Variants in DLG2 observed in about 807,000 individuals in gnomAD.
DLG2 encodes disks large homolog 2.
A neutral mutation model predicts 132.5 loss-of-function variants in DLG2; 45 were observed. That is an observed-to-expected ratio of 0.34 (90% CI 0.27 to 0.44). DLG2 has a LOEUF of 0.44. Ranked by LOEUF, DLG2 falls within the 20% of genes least tolerant of loss-of-function variation. The probability of loss-of-function intolerance (pLI) is 1.00; values close to 1 mark genes in which losing one functional copy is unlikely to be tolerated. For missense variants in DLG2, 1,045 were observed against 1,196.9 expected (o/e 0.87, Z 1.87); for synonymous variants, 424 against 419.6 (o/e 1.01, Z -0.13).
chr11:84,471,140 A>G (rs890302001), intron 7 of DLG2, among the ~76,000 whole-genome samples: 3 of 151,748 alleles, frequency 2.0e-5, no homozygotes, highest in Non-Finnish European at 4.4e-5. Context: ...GGCAACCCAG[A>G]TGGAACTGGG....
intron 2 of DLG2, among the ~76,000 whole-genome samples, chr11:85,607,150 T>G (rs1384385870): frequency 6.6e-6 from 1 of 152,168 alleles, no homozygotes; most frequent in Non-Finnish European, 1.5e-5. Context: ...TCCTTAGAAT[T>G]CAGGGGCTAA....
intron 6 of DLG2, among the ~76,000 whole-genome samples, chr11:84,642,117 A>AGTGTGTGTGTGTGTGTATATGTAGAGT (rs2099667876): frequency 5.0e-5 from 7 of 138,734 alleles, no homozygotes; most frequent in African/African-American, 8.0e-5. Flanking sequence ...GTATATGTAG[A>AGTGTGTGTGTGTGTGTATATGTAGAGT]GTGTGTGTGT....
intron 10 of DLG2, among the ~76,000 whole-genome samples, chr11:84,095,142 T>A (rs2097148476): frequency 6.6e-6 from 1 of 150,764 alleles, no homozygotes; most frequent in Admixed American, 6.6e-5. Context: ...CAGAAGGAAA[T>A]GTAGAAGGTA....
At chr11:83,465,436 A>G (rs2090837694) in intron 26 of DLG2, among the ~76,000 whole-genome samples, 1 of 152,166 alleles carries the variant, frequency 6.6e-6, no homozygotes, top group African/African-American at 2.4e-5. Context: ...CGGTCCTTCC[A>G]TAAACATTAT....
chr11:83,733,067 C>T (rs2091297207), intron 18 of DLG2, among the ~76,000 whole-genome samples: 1 of 151,722 alleles, frequency 6.6e-6, no homozygotes, highest in African/African-American at 2.4e-5. Flanking sequence ...CATGGTGAAA[C>T]CCCATCTCTG....
chr11:85,136,664 A>G (rs1196984925), intron 5 of DLG2, among the ~76,000 whole-genome samples: 1 of 152,138 alleles, frequency 6.6e-6, no homozygotes, highest in African/African-American at 2.4e-5. Context: ...TCATAAAATT[A>G]CTCTTGTAAA....
At chr11:84,622,939 A>T (rs2099616397) in intron 6 of DLG2, among the ~76,000 whole-genome samples, 1 of 152,080 alleles carries the variant, frequency 6.6e-6, no homozygotes, top group Non-Finnish European at 1.5e-5. Flanking sequence ...ATCTCTGGAA[A>T]TTTTATCATT....
At chr11:84,705,639 T>C (rs1309697600) in intron 6 of DLG2, among the ~76,000 whole-genome samples, 1 of 151,776 alleles carries the variant, frequency 6.6e-6, no homozygotes, top group Non-Finnish European at 1.5e-5. Context: ...CAAGTACTTA[T>C]CAACCAACTT....
intron 6 of DLG2, among the ~76,000 whole-genome samples, chr11:84,739,170 A>G (rs948997116): frequency 6.6e-6 from 1 of 152,186 alleles, no homozygotes; most frequent in African/African-American, 2.4e-5. Flanking sequence ...ATCAAGTTGT[A>G]TATTTAAAAA....
chr11:85,475,827 G>C (rs2153082503), intron 3 of DLG2, among the ~76,000 whole-genome samples: 1 of 152,190 alleles, frequency 6.6e-6, no homozygotes, highest in South Asian at 2.1e-4. Flanking sequence ...GCAAGTCCAG[G>C]ATTTGAAATC....
chr11:84,338,447 T>C lies in DLG2; in HGVS notation c.520-87156A>G, dbSNP rs564349464. On this transcript the variant is annotated intron_variant, in intron 7 of 27. Transcript: ENST00000376104. ...GTTTCCAATAAATTAATTTTCCAAA[T>C]AGTTTAAAATTGTCCTAGCTAATCC... Among the ~76,000 whole-genome samples, 36 of 152,316 alleles carry C rather than the reference T, an allele frequency of 2.4e-4. 1 individual carries two copies. Among genetic ancestry groups the C allele is most frequent in the African/African-American group, 8.7e-4 (36 of 41,574 alleles).
chr11:84,932,965 T>A (rs959947494), intron 6 of DLG2, among the ~76,000 whole-genome samples: 4 of 152,182 alleles, frequency 2.6e-5, no homozygotes, highest in African/African-American at 9.7e-5. Flanking sequence ...TTGAACTAAT[T>A]TACATTCCCA....
At chr11:84,198,642 A>AATT (rs2096553821) in intron 8 of DLG2, among the ~76,000 whole-genome samples, 1 of 152,214 alleles carries the variant, frequency 6.6e-6, no homozygotes, top group South Asian at 2.1e-4. Flanking sequence ...ATCTACAATT[A>AATT]GTCAAATAAA....
intron 6 of DLG2, among the ~76,000 whole-genome samples, chr11:84,677,788 T>C (rs1050391166): frequency 6.6e-6 from 1 of 152,002 alleles, no homozygotes; most frequent in Admixed American, 6.6e-5. Context: ...AGCTATTCAG[T>C]AGGCTTAGGC....
intron 6 of DLG2, among the ~76,000 whole-genome samples, chr11:84,970,869 A>G (rs2054005459): frequency 6.6e-6 from 1 of 152,168 alleles, no homozygotes; most frequent in African/African-American, 2.4e-5. Context: ...GGGAAGCTTT[A>G]TTAGAGGATA....
At chr11:84,426,245 G>A (rs938757344) in intron 7 of DLG2, among the ~76,000 whole-genome samples, 1 of 152,072 alleles carries the variant, frequency 6.6e-6, no homozygotes, top group African/African-American at 2.4e-5. Flanking sequence ...TTGGAATTGC[G>A]AATATCTAGG....
intron 7 of DLG2, among the ~76,000 whole-genome samples, chr11:84,478,184 C>T (rs2099127001): frequency 6.6e-6 from 1 of 152,070 alleles, no homozygotes; most frequent in African/African-American, 2.4e-5. Flanking sequence ...GGCAGCATGT[C>T]ACAGTGGCTC....
chr11:85,307,310 T>G (rs2080020186), intron 3 of DLG2, among the ~76,000 whole-genome samples: 1 of 151,778 alleles, frequency 6.6e-6, no homozygotes, highest in South Asian at 2.1e-4. Context: ...AGACAAGTAA[T>G]AAAAGAAAGA....
At chr11:84,852,941 C>T (rs2082333042) in intron 6 of DLG2, among the ~76,000 whole-genome samples, 2 of 151,960 alleles carry the variant, frequency 1.3e-5, no homozygotes, top group Admixed American at 6.6e-5. Context: ...CAAAGCTAAA[C>T]TTACTTTTTA....
Sources: allele counts gnomAD v4.1 joint callset (sites outside exome capture counted in the v4.1 genomes callset), GRCh38; gene constraint gnomAD v4.1.1; transcripts MANE v1.5; gene names NCBI Gene and HGNC (gene_info 2026-07-23, HGNC 2026-07-21).